The following GCC2 variants were observed in gnomAD, a reference collection of about 807,000 sequenced individuals.
The protein encoded by GCC2 is GRIP and coiled-coil domain containing 2.
GCC2 carries 120 observed loss-of-function variants against 210.6 expected under a neutral mutation model. The ratio of observed to expected loss-of-function variants is 0.57; its 90% CI spans 0.49 to 0.66. The LOEUF (loss-of-function observed/expected upper bound fraction) is 0.66, where lower values mean the gene tolerates loss of function less well. Ranked by LOEUF, GCC2 falls within the 30% of genes least tolerant of loss-of-function variation. The pLI is 0.00. For synonymous variants in GCC2, 703 were observed against 652.7 expected (o/e 1.08, Z -1.17); for missense variants, 1,868 against 1,871.9 (o/e 1.00, Z 0.04).
intron 21 of GCC2, among the ~76,000 whole-genome samples, chr2:108,499,102 C>G (rs1447819915): frequency 2.4e-5 from 3 of 127,160 alleles, no homozygotes; most frequent in Non-Finnish European, 3.4e-5. Flanking sequence ...ACTTGGTAAG[C>G]TGCTGGACTG....
chr2:108,493,614 G>C (rs935617070), intron 19 of GCC2: 6 of 985,260 alleles, frequency 6.1e-6, no homozygotes, highest in African/African-American at 1.7e-5. Context: ...CTTCCATTCT[G>C]CTTCCAGGAA....
intron 20 of GCC2, 59 bp from the exon 21 acceptor site, chr2:108,496,911 A>G: frequency 1.2e-6 from 2 of 1,604,370 alleles, no homozygotes; most frequent in South Asian, 1.1e-5. Flanking sequence ...TTTCTTATTT[A>G]GAATCTTCAT....
chr2:108,509,391 T>G lies in GCC2; in HGVS notation c.*1761T>G, dbSNP rs1219680181. On this transcript the variant is annotated 3_prime_UTR_variant, in exon 23 of 23. Transcript: ENST00000309863. ...TTTTAATATTTCTATTAAATATGTT[T>G]AACTGTATATTTTTATGGCTGCTCT... 6.6e-6 allele frequency: 1 copy of G among 152,204 alleles called. No individual in the cohort carries two copies. The highest frequency in any genetic ancestry group is 2.4e-5 in the African/African-American group (1 of 41,432). 9.4% of individuals were successfully genotyped at this position (152,204 alleles called of 1,614,324 possible). A position where few individuals can be genotyped will look rare whatever the true frequency, so the allele number is the denominator to read the frequency against.
At chr2:108,494,279 T>C (rs926986581) in intron 19 of GCC2, 17 of 152,404 alleles carry the variant, frequency 1.1e-4, no homozygotes, top group African/African-American at 4.1e-4. Flanking sequence ...GGGGCTGAGG[T>C]GGGAGGATGG....
At chr2:108,482,927 G>T (rs1238472076) in intron 11 of GCC2, 135 bp from the exon 12 acceptor site, 8 of 603,672 alleles carry the variant, frequency 1.3e-5, no homozygotes, top group East Asian at 3.1e-5. Flanking sequence ...TGATCCACCC[G>T]CCTCGGCCTC....
rs181770720 is a variant in GCC2, at chr2:108,474,459, C to A, written c.2861-1076C>A. Among the ~76,000 whole-genome samples, 23 of 152,256 alleles carry A rather than the reference C, an allele frequency of 1.5e-4. No individual in the cohort carries two copies. The East Asian group carries it at 4.4e-3, about 29-fold the overall frequency. On this transcript the variant is annotated intron_variant, in intron 7 of 22. Transcript: ENST00000309863. The stretch of plus-strand genomic sequence containing the variant: ...CCACTGCGTTAAGCAACATAGAGGT[C>A]AGTGTCCATGACATGCTGGAACCAG...
chr2:108,453,683 G>T (rs540710165), intron 4 of GCC2, among the ~76,000 whole-genome samples: 39 of 152,018 alleles, frequency 2.6e-4, no homozygotes, highest in African/African-American at 9.4e-4. Context: ...TACTCAGGAG[G>T]CTGAGGCACG....
At chr2:108,476,054 C>CTTTTTTTTTTTTTTTTTTTTT (rs56236751) in intron 9 of GCC2, among the ~76,000 whole-genome samples, 1 of 96,318 alleles carries the variant, frequency 1.0e-5, no homozygotes, top group Non-Finnish European at 2.1e-5. Context: ...TAGTGGCTTG[C>CTTTTTTTTTTTTTTTTTTTTT]TTTTTTTTTT....
Position 108,471,867 on chromosome 2 carries a change from G to T in GCC2, c.2538G>T (p.Glu846Asp). 2 of 1,612,194 alleles carry T rather than the reference G, an allele frequency of 1.2e-6. No homozygotes were observed. The highest frequency in any genetic ancestry group is 1.7e-6 in the Non-Finnish European group (2 of 1,179,308). Residue 846 changes from glutamate (E) to aspartate (D), a missense_variant, in exon 6 of 23, where the codon GAG becomes GAT. Transcript: ENST00000309863. ...YEQEKVLLRK[E>D]LEEIQSEKEA... ...AAGAGAAAGTTCTCTTAAGGAAAGA[G>T]TTAGAAGAAATACAGTCAGAAAAAG...
chr2:108,482,481 A>G (rs1681912510), intron 11 of GCC2, 30 bp downstream of exon 11: 4 of 1,098,172 alleles, frequency 3.6e-6, no homozygotes, highest in Middle Eastern at 2.2e-4. Flanking sequence ...ATTGATTCAC[A>G]TATATATGAT....
intron 17 of GCC2, among the ~76,000 whole-genome samples, chr2:108,489,072 A>G (rs1454707615): frequency 6.6e-6 from 1 of 152,232 alleles, no homozygotes; most frequent in Admixed American, 6.5e-5. Context: ...AAAGAAACTA[A>G]TAGTGTATTG....
At chr2:108,476,890 T>A (rs1681562655) in intron 9 of GCC2, among the ~76,000 whole-genome samples, 1 of 150,664 alleles carries the variant, frequency 6.6e-6, no homozygotes, top group Non-Finnish European at 1.5e-5. Flanking sequence ...GAGAAGAGAG[T>A]GAGTGGTAAT....
rs767705277 is a variant in GCC2 at position 108,449,289 on chromosome 2, G to C, written c.6+9G>C. 3 of 1,549,330 alleles carry C rather than the reference G, an allele frequency of 1.9e-6. No homozygotes were observed. The highest frequency in any genetic ancestry group is 1.4e-5 in the African/African-American group (1 of 73,020). ...GGCTGGCGGAGATGGAGGTAACTCA[G>C]GTCGGGCCCACTGCCTCCCATCAAG... On this transcript the variant is annotated intron_variant, in intron 1 of 22. Coordinates refer to ENST00000309863, the MANE Select transcript of GCC2 (RefSeq NM_181453.4).
intron 1 of GCC2, 64 bp downstream of exon 1, chr2:108,449,344 G>A: frequency 6.5e-7 from 1 of 1,530,676 alleles, no homozygotes; most frequent in African/African-American, 1.4e-5. Context: ...GGATGTGGGA[G>A]TGGGCCCGAT....
intron 3 of GCC2, 37 bp downstream of exon 3, chr2:108,451,149 C>T (rs774150170): frequency 1.6e-6 from 2 of 1,238,476 alleles, no homozygotes; most frequent in South Asian, 2.5e-5. Context: ...ATCACAGTCT[C>T]TTTAATCGTG....
chr2:108,492,711 G>C lies in GCC2; in HGVS notation c.4368G>C (p.Lys1456Asn). The C allele has an allele frequency of 6.2e-7, 1 of 1,614,058 alleles. No individual in the cohort carries two copies. Among genetic ancestry groups the C allele is most frequent in the East Asian group, 2.2e-5 (1 of 44,878 alleles). ...QVRHLQEEHR[K>N]TVETLQQQLS... The stretch of plus-strand genomic sequence containing the variant: ...GACATTTGCAGGAAGAACACAGAAA[G>C]ACAGTGGAGACATTACAGCAGCAGC... Residue 1456 changes from lysine to asparagine, a missense_variant, in exon 19 of 23, where the codon AAG (lysine) becomes AAC (asparagine). By Grantham distance (94) the Lys-to-Asn change is moderately conservative. Transcript: ENST00000309863.
intron 9 of GCC2, among the ~76,000 whole-genome samples, chr2:108,480,009 A>ACC (rs1681764936): frequency 1.4e-5 from 2 of 145,700 alleles, no homozygotes; most frequent in African/African-American, 5.2e-5. Flanking sequence ...AAAAAAAAAA[A>ACC]CGAAAAACCC....
At chr2:108,455,017 A>G (rs2090803) in intron 4 of GCC2, among the ~76,000 whole-genome samples, 56,833 of 151,898 alleles carry the variant, frequency 0.37, 12,324 homozygotes, top group East Asian at 0.89. Context: ...TTTTTTATCC[A>G]TTAACTCTTA....
rs1681107374 is a variant in GCC2 at position 108,470,053 on chromosome 2, T to A, written c.724T>A (p.Leu242Ile). ...KNINSLQEELLQLKAIHQEEV... is the reference protein window; with the variant it reads ...KNINSLQEELIQLKAIHQEEV... ...TATTAATAGTTTGCAGGAAGAGCTTTTACAGTTGAAAGCTATACACCAAGA... is the reference window on the plus strand; with the variant it reads ...TATTAATAGTTTGCAGGAAGAGCTTATACAGTTGAAAGCTATACACCAAGA... Residue 242 changes from leucine to isoleucine, a missense_variant, in exon 6 of 23, where the codon TTA becomes ATA. Transcript: ENST00000309863. 2 of 1,613,444 alleles carry A rather than the reference T, an allele frequency of 1.2e-6. No individual in the cohort carries two copies. The highest frequency in any genetic ancestry group is 1.7e-5 in the Admixed American group (1 of 59,942).
Sources: gnomAD v4.1 joint callset for allele counts (sites outside exome capture counted in the v4.1 genomes callset) on GRCh38, gnomAD v4.1.1 for gene constraint, MANE v1.5 for transcripts, NCBI Gene and HGNC (gene_info 2026-07-23, HGNC 2026-07-21) for gene names.